Variants in ACOXL observed in about 807,000 individuals in gnomAD.
The protein encoded by ACOXL is acyl-CoA oxidase like.
In ACOXL, 70 loss-of-function variants were observed where a neutral mutation model predicts 71.9. The ratio of observed to expected loss-of-function variants is 0.97; its 90% CI spans 0.80 to 1.19. The LOEUF is 1.19. Among genes scored for constraint, ACOXL ranks in the 50% most tolerant of loss-of-function variants. ACOXL has a pLI of 0.00. For synonymous variants in ACOXL, 253 were observed against 281.6 expected (o/e 0.90, Z 1.02); for missense variants, 703 against 736.3 (o/e 0.95, Z 0.52).
At chr2:110,924,588 T>C (rs2060202462) in intron 11 of ACOXL, among the ~76,000 whole-genome samples, 1 of 152,212 alleles carries the variant, frequency 6.6e-6, no homozygotes, top group South Asian at 2.1e-4. Context: ...ACTCCTCATC[T>C]GTGAAAGTTT....
intron 17 of ACOXL, among the ~76,000 whole-genome samples, chr2:111,096,258 ACAGAGTCTTGC>A (rs2068794746): frequency 1.3e-5 from 2 of 150,410 alleles, no homozygotes; most frequent in South Asian, 2.1e-4. Context: ...TATTATTGAG[ACAGAGTCTTGC>A]TCTGTAGCCC....
In ACOXL at chr2:110,845,445, C is replaced by G. The variant is rs116153785; in HGVS notation, c.788+4040C>G. On this transcript the variant is annotated intron_variant, in intron 10 of 17. Coordinates refer to ENST00000439055, the MANE Select transcript of ACOXL (RefSeq NM_001142807.4). ...TTGAGGGAACACATGCAAACCCTAG[C>G]ACCATTTTAACCATTTTTAAGTGTA... Among the ~76,000 whole-genome samples, 775 of 152,286 alleles carry G rather than the reference C, an allele frequency of 5.1e-3. 6 individuals are homozygous for G. Among genetic ancestry groups the G allele is most frequent in the African/African-American group, 0.018 (745 of 41,550 alleles).
intron 10 of ACOXL, among the ~76,000 whole-genome samples, chr2:110,844,554 T>TC (rs1367213382): frequency 6.7e-6 from 1 of 149,738 alleles, no homozygotes; most frequent in Non-Finnish European, 1.5e-5. Context: ...TCTTTTCTTT[T>TC]TTTTTTTTTT....
At chr2:110,886,788 A>G (rs1697351404) in intron 10 of ACOXL, 1 of 1,551,016 alleles carries the variant, frequency 6.4e-7, no homozygotes, top group South Asian at 1.2e-5. Context: ...TAGGTCCAGA[A>G]TCATCTCCCA....
At chr2:110,835,755 A>G (rs1188866542) in intron 9 of ACOXL, among the ~76,000 whole-genome samples, 1 of 152,218 alleles carries the variant, frequency 6.6e-6, no homozygotes, top group East Asian at 1.9e-4. Flanking sequence ...CTTTCTGTAC[A>G]TCATCTCATT....
chr2:111,042,697 C>T (rs2065841217), intron 15 of ACOXL, among the ~76,000 whole-genome samples: 1 of 152,220 alleles, frequency 6.6e-6, no homozygotes, highest in South Asian at 2.1e-4. Flanking sequence ...CATCATGGAG[C>T]TTAGCCTCTG....
chr2:110,965,911 A>T (rs570956167), intron 12 of ACOXL, among the ~76,000 whole-genome samples: 1 of 152,272 alleles, frequency 6.6e-6, no homozygotes, highest in African/African-American at 2.4e-5. Flanking sequence ...GCACACACAA[A>T]ATATGCTCCA....
chr2:110,798,652 T>C lies in ACOXL; in HGVS notation c.388T>C (p.Tyr130His), dbSNP rs752364387. Residue 130 changes from tyrosine (Y) to histidine (H), a missense_variant, in exon 6 of 18, where the codon TAT (tyrosine) becomes CAT (histidine). By Grantham distance (83) the Tyr-to-His change is moderately conservative. Transcript: ENST00000439055. ...GCCGTGTGAAAATGCGGAGAAGATG[T>C]ATATTGGAAATGCCATGTACGGGAA... ...DTPCENAEKM[Y>H]IGNAMYGNYA... 6.2e-7 allele frequency: 1 copy of C among 1,614,166 alleles called. No individual in the cohort carries two copies. The highest frequency in any genetic ancestry group is 1.1e-5 in the South Asian group (1 of 91,084).
At chr2:110,805,760 T>C (rs1465062873) in intron 9 of ACOXL, among the ~76,000 whole-genome samples, 1 of 152,250 alleles carries the variant, frequency 6.6e-6, no homozygotes, top group South Asian at 2.1e-4. Flanking sequence ...ATGTCTTGGC[T>C]GAATTCACCT....
chr2:110,777,981 C>G (rs544602269), intron 2 of ACOXL, among the ~76,000 whole-genome samples: 1 of 152,364 alleles, frequency 6.6e-6, no homozygotes, highest in East Asian at 1.9e-4. Context: ...CCGAGTTCAA[C>G]TATTGGAAGC....
At chr2:110,745,229 G>A (rs1678053193) in intron 1 of ACOXL, among the ~76,000 whole-genome samples, 1 of 152,210 alleles carries the variant, frequency 6.6e-6, no homozygotes, top group Non-Finnish European at 1.5e-5. Flanking sequence ...TGTCCAGACA[G>A]GCCCTGTCCA....
At chr2:110,827,662 C>A (rs1392399870) in intron 9 of ACOXL, among the ~76,000 whole-genome samples, 1 of 152,078 alleles carries the variant, frequency 6.6e-6, no homozygotes, top group African/African-American at 2.4e-5. Context: ...GCAACACTTT[C>A]AGGGTGGTAT....
intron 9 of ACOXL, among the ~76,000 whole-genome samples, chr2:110,825,386 C>G (rs1302539316): frequency 6.6e-6 from 1 of 152,066 alleles, no homozygotes; most frequent in Non-Finnish European, 1.5e-5. Context: ...TTTGGACTCC[C>G]CTCTATAATC....
At chr2:110,921,616 A>G (rs2060081396) in intron 11 of ACOXL, among the ~76,000 whole-genome samples, 1 of 151,770 alleles carries the variant, frequency 6.6e-6, no homozygotes, top group East Asian at 2.0e-4. Flanking sequence ...GATGGTCTCA[A>G]TCTCCTGACC....
At chr2:110,737,658 C>T (rs537007823) in intron 1 of ACOXL, among the ~76,000 whole-genome samples, 28 of 152,338 alleles carry the variant, frequency 1.8e-4, no homozygotes, top group Non-Finnish European at 3.4e-4. Flanking sequence ...TATCACAGGA[C>T]AGAGCAGTTC....
chr2:110,907,110 C>G (rs1388826134), intron 10 of ACOXL, among the ~76,000 whole-genome samples: 1 of 152,218 alleles, frequency 6.6e-6, no homozygotes, highest in Admixed American at 6.5e-5. Flanking sequence ...GTTCTGGAGA[C>G]TGCAAGTCAA....
intron 1 of ACOXL, among the ~76,000 whole-genome samples, chr2:110,759,778 T>G (rs1425124923): frequency 6.6e-6 from 1 of 152,196 alleles, no homozygotes; most frequent in Non-Finnish European, 1.5e-5. Context: ...ATGTATGAAT[T>G]AACATAAGGA....
intron 16 of ACOXL, among the ~76,000 whole-genome samples, chr2:111,092,336 T>C (rs10210490): frequency 0.054 from 8,221 of 152,288 alleles, 347 homozygotes; most frequent in African/African-American, 0.11. Flanking sequence ...GCCCATGATG[T>C]GATGCAGAAG....
intron 12 of ACOXL, among the ~76,000 whole-genome samples, chr2:110,956,619 G>A (rs2061510819): frequency 6.6e-6 from 1 of 152,172 alleles, no homozygotes; most frequent in African/African-American, 2.4e-5. Context: ...TAAAGTTAGT[G>A]CCACCCGAAG....
Sources: gnomAD v4.1 joint callset for allele counts (sites outside exome capture counted in the v4.1 genomes callset) on GRCh38, gnomAD v4.1.1 for gene constraint, MANE v1.5 for transcripts, NCBI Gene and HGNC (gene_info 2026-07-23, HGNC 2026-07-21) for gene names.